Variants in SHPRH observed in about 807,000 individuals in gnomAD.
The protein encoded by SHPRH is E3 ubiquitin-protein ligase SHPRH.
A neutral mutation model predicts 202.5 loss-of-function variants in SHPRH; 106 were observed. The observed-to-expected ratio is 0.52, with a 90% CI of 0.45 to 0.62. The LOEUF (loss-of-function observed/expected upper bound fraction) is 0.62, where lower values mean the gene tolerates loss of function less well. SHPRH is among the 20% of genes least tolerant of loss of function. The pLI is 0.00. For synonymous variants in SHPRH, 729 were observed against 686.0 expected (o/e 1.06, Z -0.98); for missense variants, 1,710 against 2,020.0 (o/e 0.85, Z 2.94).
chr6:145,875,290 A>T (rs2128694759), intron 2 of SHPRH, among the ~76,000 whole-genome samples: 1 of 152,294 alleles, frequency 6.6e-6, no homozygotes, highest in Non-Finnish European at 1.5e-5. Context: ...TGTTTCTGGC[A>T]TCTAATGGGT....
intron 25 of SHPRH, 114 bp downstream of exon 25, chr6:145,910,334 C>T: frequency 4.3e-6 from 5 of 1,155,986 alleles, no homozygotes; most frequent in South Asian, 3.0e-5. Flanking sequence ...ACAACAGTGG[C>T]GTCTACCTAT....
chr6:145,952,016 G>A (rs982595766), intron 3 of SHPRH: 5 of 396,384 alleles, frequency 1.3e-5, no homozygotes, highest in African/African-American at 2.1e-5. Context: ...TGGAATAAAC[G>A]CCAGCCAAGA....
At chr6:145,881,160 CAT>C (rs1223840011), downstream of SHPRH, among the ~76,000 whole-genome samples, 1 of 152,140 alleles carries the variant, frequency 6.6e-6, no homozygotes, top group African/African-American at 2.4e-5. Flanking sequence ...GTTATTAAAA[CAT>C]AGATTTTTAG....
intron 16 of SHPRH, 152 bp downstream of exon 16, chr6:145,926,052 C>T: frequency 1.4e-6 from 1 of 716,518 alleles, no homozygotes; most frequent in Non-Finnish European, 2.3e-6. Context: ...TTCTCTGCTA[C>T]CCAAAATCAC....
At chr6:145,895,101 G>A (rs890625328) in intron 25 of SHPRH, 124 bp from the exon 26 acceptor site, 6 of 774,906 alleles carry the variant, frequency 7.7e-6, no homozygotes, top group Non-Finnish European at 1.2e-5. Flanking sequence ...ATTATCAGGT[G>A]CATATGTGTT....
intron 28 of SHPRH, among the ~76,000 whole-genome samples, chr6:145,892,561 T>G (rs1000871346): frequency 1.0e-4 from 15 of 149,650 alleles, no homozygotes; most frequent in African/African-American, 3.0e-4. Flanking sequence ...TATGGATGTG[T>G]TTTTTTTTCC....
At chr6:145,951,899 G>C (rs1436709779) in intron 3 of SHPRH, 1 of 455,792 alleles carries the variant, frequency 2.2e-6, no homozygotes, top group Non-Finnish European at 4.4e-6. Flanking sequence ...CTCTGAATCT[G>C]CAGTCCTGAC....
At chr6:145,918,345 T>C (rs1784130497) in intron 22 of SHPRH, 113 bp from the exon 23 acceptor site, 1 of 664,628 alleles carries the variant, frequency 1.5e-6, no homozygotes. Context: ...AAAAAACCTA[T>C]TTACATTCTA....
intron 2 of SHPRH, among the ~76,000 whole-genome samples, chr6:145,867,625 T>TAGAGAGAGAG (rs1207602984): frequency 4.7e-4 from 30 of 63,398 alleles, no homozygotes; most frequent in African/African-American, 5.8e-4. Context: ...TATATATATA[T>TAGAGAGAGAG]ATATATAGAG....
At chr6:145,944,561 T>C (rs900332988) in intron 8 of SHPRH, among the ~76,000 whole-genome samples, 16 of 152,002 alleles carry the variant, frequency 1.1e-4, no homozygotes, top group Non-Finnish European at 2.9e-5. Flanking sequence ...GGAAATCTTC[T>C]AGTTTTGGTG....
downstream of SHPRH, among the ~76,000 whole-genome samples, chr6:145,863,909 A>T (rs930728543): frequency 2.0e-5 from 3 of 152,250 alleles, no homozygotes; most frequent in Admixed American, 2.0e-4. Context: ...GATTATTCAT[A>T]GTGTATTACT....
intron 23 of SHPRH, among the ~76,000 whole-genome samples, chr6:145,914,567 C>A (rs1165368465): frequency 1.3e-5 from 2 of 151,994 alleles, no homozygotes; most frequent in Admixed American, 6.6e-5. Flanking sequence ...ACTTTACTTA[C>A]GAAAAAAGGC....
intron 2 of SHPRH, among the ~76,000 whole-genome samples, chr6:145,878,866 C>A (rs1209102080): frequency 6.6e-6 from 1 of 152,124 alleles, no homozygotes; most frequent in Admixed American, 6.6e-5. Flanking sequence ...AAACAACCAG[C>A]ATTAGGCAGT....
intron 25 of SHPRH, 83 bp downstream of exon 25, chr6:145,910,365 A>G (rs1783387181): frequency 6.8e-7 from 1 of 1,467,902 alleles, no homozygotes; most frequent in South Asian, 1.3e-5. Context: ...GCTTGTTCTG[A>G]TGTTCATGCT....
At chr6:145,918,615 C>T (rs982621249) in intron 22 of SHPRH, 1 of 153,436 alleles carries the variant, frequency 6.5e-6, no homozygotes, top group African/African-American at 2.4e-5. Flanking sequence ...AATTTCTCTG[C>T]CCTTCTTTCC....
At chr6:145,953,988 C>T (rs1243571146) in intron 2 of SHPRH, among the ~76,000 whole-genome samples, 1 of 150,610 alleles carries the variant, frequency 6.6e-6, no homozygotes. Flanking sequence ...ATGTGACAAG[C>T]CGCCAAGGCC....
At chr6:145,935,723 GA>G (rs1785994400) in intron 11 of SHPRH, 1 of 264,432 alleles carries the variant, frequency 3.8e-6, no homozygotes, top group African/African-American at 2.2e-5. Context: ...ACTGTTATCA[GA>G]AGTTAAACCA....
intron 26 of SHPRH, among the ~76,000 whole-genome samples, chr6:145,894,497 G>C (rs1169314785): frequency 6.6e-6 from 1 of 150,772 alleles, no homozygotes; most frequent in Non-Finnish European, 1.5e-5. Context: ...ACATAATGGA[G>C]TGCATACTGG....
At chr6:145,956,912 T>C (rs992418328) in intron 1 of SHPRH, among the ~76,000 whole-genome samples, 1 of 152,142 alleles carries the variant, frequency 6.6e-6, no homozygotes, top group African/African-American at 2.4e-5. Context: ...TTAAAATTTA[T>C]ACTAAAATGC....
Sources: allele counts gnomAD v4.1 joint callset (sites outside exome capture counted in the v4.1 genomes callset), GRCh38; gene constraint gnomAD v4.1.1; transcripts MANE v1.5; gene names NCBI Gene and HGNC (gene_info 2026-07-23, HGNC 2026-07-21).